The following INSR variants were observed in gnomAD, a reference collection of about 807,000 sequenced individuals.
The protein encoded by INSR is IR.
In INSR, 67 loss-of-function variants were observed where a neutral mutation model predicts 142.6. The ratio of observed to expected loss-of-function variants is 0.47; its 90% confidence interval spans 0.39 to 0.58. INSR has a LOEUF of 0.58. INSR is among the 20% of genes least tolerant of loss of function. The pLI, the probability that INSR is intolerant of heterozygous loss-of-function variation, is 0.00. For synonymous variants in INSR, 756 were observed against 743.1 expected, an observed-to-expected ratio of 1.02 and a Z score of -0.28; for missense variants, 1,248 against 1,833.2, an observed-to-expected ratio of 0.68 and a Z score of 5.83.
chr19:7,145,337 T>C (rs1973162740), intron 11 of INSR, among the ~76,000 whole-genome samples: 1 of 152,098 alleles, frequency 6.6e-6, no homozygotes. Context: ...CTAGATGGGG[T>C]TATTATGAGT....
chr19:7,291,206 G>A (rs188122417), intron 1 of INSR, among the ~76,000 whole-genome samples: 54 of 152,244 alleles, frequency 3.5e-4, no homozygotes, highest in African/African-American at 1.3e-3. Flanking sequence ...AATCGTGGGG[G>A]GTACGGAGGC....
chr19:7,153,086 A>C (rs1973441400), intron 9 of INSR, among the ~76,000 whole-genome samples, 159 bp from the exon 10 acceptor site: 1 of 136,742 alleles, frequency 7.3e-6, no homozygotes, highest in African/African-American at 2.8e-5. Flanking sequence ...CACACAACAC[A>C]CCACACATAC....
intron 1 of INSR, among the ~76,000 whole-genome samples, chr19:7,293,166 T>C (rs1968542831): frequency 6.6e-6 from 1 of 152,214 alleles, no homozygotes; most frequent in South Asian, 2.1e-4. Context: ...CCGCCACTAC[T>C]TCTGCTACAA....
Position 7,119,339 on chromosome 19 carries a change from G to T in INSR, c.3794+110C>A. The T allele has an allele frequency of 8.0e-7, 1 of 1,248,424 alleles. No homozygotes were observed. The highest frequency in any genetic ancestry group is 1.2e-6 in the Non-Finnish European group (1 of 849,944). 77.3% of individuals were successfully genotyped at this position (1,248,424 alleles called of 1,614,324 possible). Reference sequence around the variant, plus strand: ...CAAACACACCTGTAACATACAGCATGCAAACACGGTGAGCGTGTAGACATA... The same window carrying T: ...CAAACACACCTGTAACATACAGCATTCAAACACGGTGAGCGTGTAGACATA... On this transcript the variant is annotated intron_variant, in intron 21 of 21. Coordinates refer to ENST00000302850, the MANE Select transcript of INSR (RefSeq NM_000208.4). This position sits in a 1 kb window ranked among gnomAD's most constrained non-coding sequence, Gnocchi z 5.2.
chr19:7,227,840 G>A (rs748690870), intron 2 of INSR, among the ~76,000 whole-genome samples: 1 of 152,094 alleles, frequency 6.6e-6, no homozygotes, highest in Non-Finnish European at 1.5e-5. Flanking sequence ...ACACTGATAT[G>A]TATCCTCAAT....
chr19:7,129,224 T>A (rs1256053773), intron 14 of INSR, among the ~76,000 whole-genome samples: 2 of 152,216 alleles, frequency 1.3e-5, no homozygotes, highest in Non-Finnish European at 2.9e-5. Flanking sequence ...CTCATTTCCA[T>A]CCCTCCCACA....
At chr19:7,155,839 G>A (rs1477649473) in intron 9 of INSR, among the ~76,000 whole-genome samples, 3 of 151,312 alleles carry the variant, frequency 2.0e-5, no homozygotes, top group South Asian at 2.1e-4. Flanking sequence ...GCTTGAGCCT[G>A]GGAAGTCGAG....
Position 7,260,911 on chromosome 19 carries a change from C to G in INSR, c.652+6434G>C, listed in dbSNP as rs140071605. Reference sequence around the variant, plus strand: ...TTTTTTTTTAAAGACAGAGTCTCACCGAGTCTCACTCTGTCGCCCAGGCTG... The same window carrying G: ...TTTTTTTTTAAAGACAGAGTCTCACGGAGTCTCACTCTGTCGCCCAGGCTG... On this transcript the variant is annotated intron_variant, in intron 2 of 21. Transcript: ENST00000302850. Among the ~76,000 whole-genome samples the G allele has an allele frequency of 3.4e-3, 510 of 150,890 alleles. 4 individuals carry two copies. Among genetic ancestry groups the G allele is most frequent in the African/African-American group, 0.011 (466 of 40,944 alleles).
chr19:7,152,389 AAAAAAGAG>A, intron 10 of INSR: 1 of 340,566 alleles, frequency 2.9e-6, no homozygotes, highest in South Asian at 2.4e-5. Flanking sequence ...AAAAAAAAAA[AAAAAAGAG>A]AGAGAGAGAA....
rs75453812 is a variant in INSR at position 7,281,191 on chromosome 19, G to T, written c.100+12601C>A. 7.0e-3 allele frequency among the ~76,000 whole-genome samples: 1,069 copies of T among 152,310 alleles called. 9 individuals are homozygous for T. Among genetic ancestry groups the T allele is most frequent in the African/African-American group, 0.025 (1,027 of 41,576 alleles). On this transcript the variant is annotated intron_variant, in intron 1 of 21. Coordinates refer to ENST00000302850, the MANE Select transcript of INSR (RefSeq NM_000208.4). ...AGGAAAAACAAGAGAAGTCCTGCCA[G>T]ACCAGAAAGTCACTTTGTAACAGGT...
At chr19:7,212,814 T>TGACCTCAGGTGATCCACC (rs1238425293) in intron 2 of INSR, among the ~76,000 whole-genome samples, 1 of 151,918 alleles carries the variant, frequency 6.6e-6, no homozygotes, top group Non-Finnish European at 1.5e-5. Context: ...CTCGAACTCC[T>TGACCTCAGGTGATCCACC]GACCTCAGGT....
At chr19:7,228,035 C>T (rs1251206181) in intron 2 of INSR, among the ~76,000 whole-genome samples, 1 of 152,022 alleles carries the variant, frequency 6.6e-6, no homozygotes. Context: ...TCTCTCAGGG[C>T]ACAAGAAACA....
intron 2 of INSR, among the ~76,000 whole-genome samples, chr19:7,200,837 G>A (rs1287502106): frequency 1.4e-5 from 2 of 138,074 alleles, no homozygotes; most frequent in Non-Finnish European, 3.0e-5. Context: ...TCCAGCCTGG[G>A]TAACAGAGTG....
intron 2 of INSR, among the ~76,000 whole-genome samples, chr19:7,252,599 A>G (rs1225587923): frequency 6.6e-6 from 1 of 152,156 alleles, no homozygotes; most frequent in Admixed American, 6.5e-5. Flanking sequence ...TGCTTCGCAC[A>G]CCGCGTGTGG....
At chr19:7,170,429 G>T in intron 6 of INSR, 108 bp downstream of exon 6, 1 of 792,352 alleles carries the variant, frequency 1.3e-6, no homozygotes, top group Non-Finnish European at 2.3e-6. Context: ...TAAATGTAAT[G>T]CACTTGAATC....
At chr19:7,251,997 G>C (rs145256989) in intron 2 of INSR, among the ~76,000 whole-genome samples, 3 of 152,160 alleles carry the variant, frequency 2.0e-5, no homozygotes, top group Non-Finnish European at 4.4e-5. Context: ...AAATAGCCCA[G>C]GTGCGGTGGC....
intron 1 of INSR, 120 bp from the exon 2 acceptor site, chr19:7,268,016 C>T (rs1967793616): frequency 2.3e-6 from 2 of 867,688 alleles, no homozygotes; most frequent in Admixed American, 4.0e-5. Flanking sequence ...GTTTTCATCC[C>T]GGGCCCTGTA....
At chr19:7,272,554 G>A (rs1249858543) in intron 1 of INSR, among the ~76,000 whole-genome samples, 3 of 152,012 alleles carry the variant, frequency 2.0e-5, no homozygotes, top group Non-Finnish European at 2.9e-5. Context: ...GGAGGCGGAC[G>A]TTGCAGTGAG....
At chr19:7,191,697 C>T (rs896863475) in intron 2 of INSR, among the ~76,000 whole-genome samples, 6 of 151,906 alleles carry the variant, frequency 3.9e-5, no homozygotes, top group Non-Finnish European at 7.4e-5. Context: ...GGTGCACACC[C>T]GTAAACCAAT....
Sources: gnomAD v4.1 joint callset for allele counts (sites outside exome capture counted in the v4.1 genomes callset) on GRCh38, gnomAD v4.1.1 for gene constraint, Gnocchi (gnomAD v3.1) non-coding constraint, MANE v1.5 for transcripts, NCBI Gene and HGNC (gene_info 2026-07-23, HGNC 2026-07-21) for gene names.